Variants in GRID2 observed in about 807,000 individuals in gnomAD.
The protein encoded by GRID2 is glutamate ionotropic receptor delta type subunit 2.
A neutral mutation model predicts 114.8 loss-of-function variants in GRID2; 33 were observed. That is an observed-to-expected ratio of 0.29 (90% CI 0.22 to 0.38). GRID2 has a LOEUF of 0.38. Ranked by LOEUF, GRID2 falls within the 10% of genes least tolerant of loss-of-function variation. The probability of loss-of-function intolerance (pLI) is 1.00; values close to 1 mark genes in which losing one functional copy is unlikely to be tolerated. For missense variants in GRID2, 1,184 were observed against 1,257.7 expected, an observed-to-expected ratio of 0.94 and a Z score of 0.89; for synonymous variants, 505 against 449.9, an observed-to-expected ratio of 1.12 and a Z score of -1.55.
chr4:92,791,298 T>C (rs887101854), intron 2 of GRID2, among the ~76,000 whole-genome samples: 4 of 151,662 alleles, frequency 2.6e-5, no homozygotes, highest in African/African-American at 9.7e-5. Flanking sequence ...AACAAACAAC[T>C]CAAGTTGTCA....
chr4:92,633,861 T>A (rs569621688), intron 2 of GRID2, among the ~76,000 whole-genome samples: 4 of 135,374 alleles, frequency 3.0e-5, no homozygotes, highest in African/African-American at 1.2e-4. Flanking sequence ...CATTCTACTA[T>A]TTTTTTTTTT....
intron 4 of GRID2, among the ~76,000 whole-genome samples, chr4:93,200,956 A>G (rs1453272738): frequency 6.6e-6 from 1 of 152,186 alleles, no homozygotes; most frequent in East Asian, 1.9e-4. Flanking sequence ...CTGACAGTTT[A>G]CCATATACCA....
At position 92,683,371 on chromosome 4, in the gene GRID2, T is replaced by C. The variant is rs1381349432; in HGVS notation, c.244+93085T>C. Among the ~76,000 whole-genome samples the C allele has an allele frequency of 3.3e-5, 5 of 152,268 alleles. No individual in the cohort carries two copies. In the East Asian group the frequency reaches 9.7e-4, roughly 29 times the overall value. On this transcript the variant is annotated intron_variant, in intron 2 of 15. Coordinates refer to ENST00000282020, the MANE Select transcript of GRID2 (RefSeq NM_001510.4). ...CAATAAATGTTTTAATCAACAAATA[T>C]GAGCATATCAGCATCATCTTTGCCT...
chr4:92,391,527 AT>A (rs1021387937), intron 1 of GRID2, among the ~76,000 whole-genome samples: 4 of 152,128 alleles, frequency 2.6e-5, no homozygotes, highest in African/African-American at 9.7e-5. Context: ...AAATATTGAG[AT>A]TGTAAAAAAA....
At chr4:93,116,969 A>G (rs1332247038) in intron 4 of GRID2, among the ~76,000 whole-genome samples, 3 of 152,262 alleles carry the variant, frequency 2.0e-5, no homozygotes, top group Admixed American at 2.0e-4. Flanking sequence ...TGCAGTGTTC[A>G]TAGGAATTTT....
intron 2 of GRID2, among the ~76,000 whole-genome samples, chr4:92,670,294 A>G (rs1029904729): frequency 6.6e-6 from 1 of 152,028 alleles, no homozygotes; most frequent in African/African-American, 2.4e-5. Flanking sequence ...ATTAGGTAGC[A>G]TTTAGCAAAC....
At chr4:93,466,882 A>G (rs1724329788) in intron 11 of GRID2, among the ~76,000 whole-genome samples, 1 of 152,258 alleles carries the variant, frequency 6.6e-6, no homozygotes, top group South Asian at 2.1e-4. Context: ...AACATAACCT[A>G]TGTTAAATAT....
intron 14 of GRID2, among the ~76,000 whole-genome samples, chr4:93,717,745 C>T (rs528777818): frequency 1.7e-4 from 26 of 152,144 alleles, no homozygotes; most frequent in East Asian, 1.5e-3. Flanking sequence ...AAAGGTGATA[C>T]GCCTTTTATA....
chr4:93,752,465 G>T (rs1181476540), intron 14 of GRID2, among the ~76,000 whole-genome samples: 1 of 152,050 alleles, frequency 6.6e-6, no homozygotes, highest in African/African-American at 2.4e-5. Context: ...CCGCCTCCCG[G>T]GTTCACACCC....
rs370553566 is a variant in GRID2, at chr4:93,596,948, G to A, written c.2194-29321G>A. ...ACTTAATGTATTTGTTTTGATATTC[G>A]GCATTTTGATGCAATGTTCAAGTGT... On this transcript the variant is annotated intron_variant, in intron 13 of 15. Coordinates refer to ENST00000282020, the MANE Select transcript of GRID2 (RefSeq NM_001510.4). 5.3e-5 allele frequency among the ~76,000 whole-genome samples: 8 copies of A among 151,910 alleles called. No individual in the cohort carries two copies. In the South Asian group the frequency reaches 1.0e-3, roughly 20 times the overall value.
intron 2 of GRID2, among the ~76,000 whole-genome samples, chr4:92,853,596 T>C (rs1280039539): frequency 1.3e-5 from 2 of 152,036 alleles, no homozygotes; most frequent in Non-Finnish European, 2.9e-5. Flanking sequence ...CCCTGACTCA[T>C]AGTAGCTATT....
chr4:92,821,815 C>T (rs566713684), intron 2 of GRID2, among the ~76,000 whole-genome samples: 12 of 152,194 alleles, frequency 7.9e-5, no homozygotes, highest in African/African-American at 1.9e-4. Context: ...CTAAGCAGTC[C>T]GGCAACTCAA....
downstream of GRID2, among the ~76,000 whole-genome samples, chr4:93,775,975 C>T (rs921029106): frequency 6.6e-6 from 1 of 152,190 alleles, no homozygotes; most frequent in East Asian, 1.9e-4. Flanking sequence ...ATTTACCCTG[C>T]ATGATACTTC....
At chr4:92,750,588 C>T (rs62310231) in intron 2 of GRID2, among the ~76,000 whole-genome samples, 4,293 of 152,214 alleles carry the variant, frequency 0.028, 96 homozygotes, top group Non-Finnish European at 0.042. Flanking sequence ...GCTGTTGAGG[C>T]GACACTATGG....
chr4:93,716,200 G>A (rs1728885878), intron 14 of GRID2, among the ~76,000 whole-genome samples: 1 of 152,128 alleles, frequency 6.6e-6, no homozygotes, highest in Non-Finnish European at 1.5e-5. Context: ...CCTGTAGGCA[G>A]CACAGTCAGA....
At chr4:92,981,289 T>TA (rs750537278) in intron 2 of GRID2, among the ~76,000 whole-genome samples, 4 of 152,062 alleles carry the variant, frequency 2.6e-5, no homozygotes, top group Non-Finnish European at 5.9e-5. Flanking sequence ...CATAAAACAT[T>TA]AAAATCACTG....
At chr4:93,550,084 T>C (rs1304251816) in intron 13 of GRID2, among the ~76,000 whole-genome samples, 1 of 152,048 alleles carries the variant, frequency 6.6e-6, no homozygotes, top group African/African-American at 2.4e-5. Context: ...CTTGACTCTT[T>C]CTGATATTTT....
intron 2 of GRID2, among the ~76,000 whole-genome samples, chr4:92,610,701 A>C (rs1729676275): frequency 6.6e-6 from 1 of 151,596 alleles, no homozygotes; most frequent in Admixed American, 6.6e-5. Context: ...CCATCACCCA[A>C]CAAGCTCTCT....
intron 13 of GRID2, among the ~76,000 whole-genome samples, chr4:93,557,998 T>C (rs1244475861): frequency 6.6e-6 from 1 of 152,126 alleles, no homozygotes; most frequent in Non-Finnish European, 1.5e-5. Flanking sequence ...ACTGGGTAAA[T>C]AATGAAATTA....
Sources: allele counts gnomAD v4.1 joint callset (sites outside exome capture counted in the v4.1 genomes callset), GRCh38; gene constraint gnomAD v4.1.1; transcripts MANE v1.5; gene names NCBI Gene and HGNC (gene_info 2026-07-23, HGNC 2026-07-21).